The following IRGM variants were observed in gnomAD, a reference collection of about 807,000 sequenced individuals.
IRGM encodes immunity-related GTPase family M protein.
For synonymous variants in IRGM, 98 were observed against 80.6 expected, an observed-to-expected ratio of 1.22 and a Z score of -1.16; for missense variants, 288 against 219.9, an observed-to-expected ratio of 1.31 and a Z score of -1.96.
At chr5:150,888,686 T>A (rs1447649533) in intron 3 of IRGM, among the ~76,000 whole-genome samples, 1 of 152,032 alleles carries the variant, frequency 6.6e-6, no homozygotes, top group African/African-American at 2.4e-5. Flanking sequence ...AACATGGTTC[T>A]GAATGACTAT....
chr5:150,863,424 A>G (rs1181237841), intron 1 of IRGM, among the ~76,000 whole-genome samples: 1 of 152,196 alleles, frequency 6.6e-6, no homozygotes, highest in East Asian at 1.9e-4. Context: ...GATATTGGAG[A>G]AAAAATAGAT....
intron 1 of IRGM, among the ~76,000 whole-genome samples, chr5:150,856,413 A>G (rs1754049987): frequency 6.6e-6 from 1 of 152,220 alleles, no homozygotes; most frequent in Admixed American, 6.5e-5. Flanking sequence ...CCTGGGCAAC[A>G]GAGCGAGACG....
chr5:150,893,484 T>G (rs1203400821), intron 3 of IRGM, among the ~76,000 whole-genome samples: 1 of 152,164 alleles, frequency 6.6e-6, no homozygotes, highest in African/African-American at 2.4e-5. Context: ...ATAAGGTTCA[T>G]TGACTACTGT....
At chr5:150,865,072 A>G (rs1336172639) in intron 1 of IRGM, among the ~76,000 whole-genome samples, 1 of 152,210 alleles carries the variant, frequency 6.6e-6, no homozygotes, top group Non-Finnish European at 1.5e-5. Flanking sequence ...TCTACCACAT[A>G]CCCATGTAGA....
chr5:150,896,475 G>T lies in IRGM; in HGVS notation c.*141-4114G>T. Reference sequence around the variant, plus strand: ...TTCCACATTCTGATATTGAATAAGGGATTGTGTATTTCTAAAAACGTTTCC... The same window carrying T: ...TTCCACATTCTGATATTGAATAAGGTATTGTGTATTTCTAAAAACGTTTCC... On this transcript the variant is annotated intron_variant and NMD_transcript_variant, in intron 3 of 3. Transcript: ENST00000520549. 1.9e-6 allele frequency: 3 copies of T among 1,613,450 alleles called. No individual in the cohort carries two copies. Among genetic ancestry groups the T allele is most frequent in the Middle Eastern group, 1.7e-4 (1 of 6,056 alleles).
chr5:150,870,804 G>A (rs560655398), intron 1 of IRGM, among the ~76,000 whole-genome samples: 22 of 151,924 alleles, frequency 1.4e-4, no homozygotes, highest in African/African-American at 4.4e-4. Context: ...TATAAGTTAC[G>A]CGATCATTTG....
At chr5:150,872,251 G>GC (rs1286941114) in intron 1 of IRGM, among the ~76,000 whole-genome samples, 2 of 152,162 alleles carry the variant, frequency 1.3e-5, no homozygotes, top group Non-Finnish European at 2.9e-5. Context: ...ATTCCGATGA[G>GC]CCTTTTTTTG....
intron 1 of IRGM, among the ~76,000 whole-genome samples, chr5:150,861,263 T>C (rs1397050487): frequency 2.0e-5 from 3 of 152,218 alleles, no homozygotes. Context: ...TACTCCCTCA[T>C]GTAGCCTCTC....
At position 150,884,266 on chromosome 5, in the gene IRGM, C is replaced by T. The variant is rs193268609; in HGVS notation, c.*140+4620C>T. Among the ~76,000 whole-genome samples the T allele has an allele frequency of 1.1e-3, 166 of 152,036 alleles. 1 individual carries two copies. The highest frequency in any genetic ancestry group is 3.6e-3 in the African/African-American group (151 of 41,520). On this transcript the variant is annotated intron_variant and NMD_transcript_variant, in intron 3 of 3. Coordinates refer to the IRGM transcript ENST00000520549. ...TACTTATATTTATACTTTTCTATGGCGGCATAGTATTCCATGGTGTATATG... is the reference window on the plus strand; with the variant it reads ...TACTTATATTTATACTTTTCTATGGTGGCATAGTATTCCATGGTGTATATG...
intron 1 of IRGM, among the ~76,000 whole-genome samples, chr5:150,875,211 G>T (rs1395031077): frequency 6.6e-6 from 1 of 152,150 alleles, no homozygotes; most frequent in Non-Finnish European, 1.5e-5. Context: ...TTCACAGATG[G>T]TTCTGCATGA....
chr5:150,870,509 C>CTT (rs60200385), intron 1 of IRGM, among the ~76,000 whole-genome samples: 38 of 135,620 alleles, frequency 2.8e-4, no homozygotes, highest in South Asian at 1.4e-3. Context: ...TATACAACTC[C>CTT]TTTTTTTTTT....
chr5:150,856,282 T>A (rs1754048186), intron 1 of IRGM, among the ~76,000 whole-genome samples: 1 of 151,886 alleles, frequency 6.6e-6, no homozygotes, highest in Admixed American at 6.6e-5. Flanking sequence ...AGTACAAAAA[T>A]TAGCCAGGCA....
chr5:150,897,074 CA>C, intron 3 of IRGM: 11 of 910,614 alleles, frequency 1.2e-5, no homozygotes, highest in Non-Finnish European at 1.6e-5. Context: ...GATGAACTCA[CA>C]AAAAAAGGAT....
chr5:150,890,163 G>T (rs899651682), intron 3 of IRGM, among the ~76,000 whole-genome samples: 22 of 151,902 alleles, frequency 1.4e-4, no homozygotes, highest in Non-Finnish European at 4.4e-5. Context: ...ATTTGATAAG[G>T]TTTTACACTA....
At chr5:150,876,670 C>T (rs1235760182) in intron 1 of IRGM, among the ~76,000 whole-genome samples, 2 of 152,114 alleles carry the variant, frequency 1.3e-5, no homozygotes, top group Admixed American at 6.6e-5. Context: ...CTGCAACAGC[C>T]CTATTCAGGC....
chr5:150,867,156 C>T (rs1191927327), intron 1 of IRGM, among the ~76,000 whole-genome samples: 1 of 152,134 alleles, frequency 6.6e-6, no homozygotes, highest in African/African-American at 2.4e-5. Flanking sequence ...TAGTCATCTT[C>T]CCCCTGAGTC....
At chr5:150,856,638 GT>G (rs1376126480) in intron 1 of IRGM, among the ~76,000 whole-genome samples, 1 of 150,746 alleles carries the variant, frequency 6.6e-6, no homozygotes, top group Non-Finnish European at 1.5e-5. Flanking sequence ...TACTGCTGCA[GT>G]TTTTTTATTT....
intron 3 of IRGM, chr5:150,895,722 G>C (rs894551355): frequency 1.2e-6 from 2 of 1,613,544 alleles, no homozygotes; most frequent in African/African-American, 2.7e-5. Flanking sequence ...AATGAGATGT[G>C]ACTTCTGGCA....
chr5:150,848,650 A>G lies in IRGM; in HGVS notation c.527A>G (p.Glu176Gly). Residue 176 changes from glutamate to glycine, a missense_variant, in exon 2 of 2, where the codon GAG becomes GGG. Transcript: ENST00000522154. ...RENVLENLQK[E>G]RVCEY ...AATGTCCTGGAAAATCTCCAGAAGG[A>G]GCGGGTATGTGAATACTAATTCCTG... 1 of 1,540,766 alleles carries G rather than the reference A, an allele frequency of 6.5e-7. No individual in the cohort carries two copies. Among genetic ancestry groups the G allele is most frequent in the Non-Finnish European group, 8.8e-7 (1 of 1,139,156 alleles).
Sources: gnomAD v4.1 joint callset for allele counts (sites outside exome capture counted in the v4.1 genomes callset) on GRCh38, gnomAD v4.1.1 for gene constraint, MANE v1.5 for transcripts, NCBI Gene and HGNC (gene_info 2026-07-23, HGNC 2026-07-21) for gene names.